Variants in AFAP1 observed in about 807,000 individuals in gnomAD.
AFAP1 encodes actin filament associated protein 1, also known as actin filament-associated protein 1.
Under a neutral mutation model 93.9 loss-of-function variants are expected in AFAP1, and 75 were observed. The observed-to-expected ratio is 0.80, with a 90% CI of 0.66 to 0.97. AFAP1 has a LOEUF of 0.97. Among genes scored for constraint, AFAP1 ranks in the 50% least tolerant of loss-of-function variants. AFAP1 has a pLI of 0.00. For missense variants in AFAP1, 1,201 were observed against 1,050.8 expected (o/e 1.14, Z -1.98); for synonymous variants, 517 against 430.7 (o/e 1.20, Z -2.48).
chr4:7,924,267 C>T (rs943685807), intron 1 of AFAP1, among the ~76,000 whole-genome samples: 4 of 152,212 alleles, frequency 2.6e-5, no homozygotes, highest in African/African-American at 9.6e-5. Context: ...CTTCCATTCA[C>T]AAATTCCACA....
rs143266200 is a variant in AFAP1, at chr4:7,771,091, G to C, written c.2253+1729C>G. Among the ~76,000 whole-genome samples, 17 of 152,356 alleles carry C rather than the reference G, an allele frequency of 1.1e-4. No homozygotes were observed. The East Asian group carries it at 3.1e-3, about 28-fold the overall frequency. On this transcript the variant is annotated intron_variant, in intron 16 of 17. Coordinates refer to ENST00000420658, the MANE Select transcript of AFAP1 (RefSeq NM_001134647.2). ...CAGCACTGTTTCACTGTTCTCCACAGATCTGTCCGCATCTGACACCAACGT... is the reference window on the plus strand; with the variant it reads ...CAGCACTGTTTCACTGTTCTCCACACATCTGTCCGCATCTGACACCAACGT...
intron 10 of AFAP1, among the ~76,000 whole-genome samples, chr4:7,795,090 A>G (rs1484926545): frequency 6.6e-6 from 1 of 152,228 alleles, no homozygotes; most frequent in Non-Finnish European, 1.5e-5. Flanking sequence ...CACTGATCAT[A>G]ATATAAGTAA....
At chr4:7,858,609 G>T (rs1715337949) in intron 3 of AFAP1, among the ~76,000 whole-genome samples, 1 of 152,148 alleles carries the variant, frequency 6.6e-6, no homozygotes, top group Non-Finnish European at 1.5e-5. Context: ...AACAGGGAAG[G>T]TAGGTTTCCA....
At chr4:7,765,466 T>C (rs536280562) in intron 17 of AFAP1, among the ~76,000 whole-genome samples, 6 of 152,350 alleles carry the variant, frequency 3.9e-5, no homozygotes, top group Non-Finnish European at 7.3e-5. Context: ...TGCCCCTCCC[T>C]ACTGGACAGC....
chr4:7,770,994 G>A lies in AFAP1; in HGVS notation c.2253+1826C>T, dbSNP rs1477105870. ...CCATGCTCTTGTCCCCATTTATGCT[G>A]GATGAGGGACTGGGGTTGTCCAAGG... On this transcript the variant is annotated intron_variant, in intron 16 of 17. Transcript: ENST00000420658. Among the ~76,000 whole-genome samples the A allele has an allele frequency of 2.0e-5, 3 of 152,216 alleles. No individual in the cohort carries two copies. The East Asian group carries it at 5.8e-4, about 29-fold the overall frequency.
chr4:7,805,709 A>G (rs1719446921), intron 9 of AFAP1, among the ~76,000 whole-genome samples: 1 of 152,220 alleles, frequency 6.6e-6, no homozygotes, highest in Admixed American at 6.5e-5. Flanking sequence ...CTGAGCTGGT[A>G]TCGTCTGCCA....
At chr4:7,805,469 G>A (rs11728415) in intron 9 of AFAP1, among the ~76,000 whole-genome samples, 14,767 of 152,202 alleles carry the variant, frequency 0.097, 1,232 homozygotes, top group East Asian at 0.48. Flanking sequence ...GGTATGCTTA[G>A]GTGATGTTTT....
chr4:7,791,503 C>T (rs146695137), intron 11 of AFAP1, among the ~76,000 whole-genome samples: 1 of 152,280 alleles, frequency 6.6e-6, no homozygotes, highest in South Asian at 2.1e-4. Context: ...GATGCCCTAC[C>T]TAATACCTGC....
rs535795627 is a variant in AFAP1 at position 7,928,608 on chromosome 4, A to T, written c.-3+11048T>A. Among the ~76,000 whole-genome samples, 74 of 152,186 alleles carry T rather than the reference A, an allele frequency of 4.9e-4. 1 individual carries two copies. Among genetic ancestry groups the T allele is most frequent in the Middle Eastern group, 6.8e-3 (2 of 294 alleles). ...TCACCATATTGGCCAGGCTGGTCTC[A>T]AACTCCTGACCTCATGATTCGCCCA... On this transcript the variant is annotated intron_variant, in intron 1 of 17. Coordinates refer to ENST00000420658, the MANE Select transcript of AFAP1 (RefSeq NM_001134647.2).
At chr4:7,820,255 G>A (rs1370736568) in intron 6 of AFAP1, among the ~76,000 whole-genome samples, 1 of 152,174 alleles carries the variant, frequency 6.6e-6, no homozygotes, top group East Asian at 1.9e-4. Flanking sequence ...GCAACTGGGT[G>A]GTGCTATTTA....
At chr4:7,892,463 C>G (rs1718525781) in intron 1 of AFAP1, among the ~76,000 whole-genome samples, 1 of 152,166 alleles carries the variant, frequency 6.6e-6, no homozygotes, top group Non-Finnish European at 1.5e-5. Flanking sequence ...GGGGGAGGGG[C>G]AGCCCACAGA....
intron 1 of AFAP1, among the ~76,000 whole-genome samples, chr4:7,926,618 G>A (rs150180774): frequency 6.6e-6 from 1 of 152,304 alleles, no homozygotes; most frequent in Admixed American, 6.5e-5. Flanking sequence ...AGTTTCTGCA[G>A]TCCAGGACAC....
chr4:7,873,466 A>G (rs1717244214), intron 1 of AFAP1, among the ~76,000 whole-genome samples: 1 of 138,880 alleles, frequency 7.2e-6, no homozygotes, highest in Admixed American at 8.0e-5. Flanking sequence ...CTCCTGCCTC[A>G]GCCTCCTGAG....
Position 7,772,961 on chromosome 4 carries a change from C to T in AFAP1, c.2112G>A (p.Glu704=), listed in dbSNP as rs1174451324. The T allele has an allele frequency of 5.6e-6, 9 of 1,613,148 alleles. No homozygotes were observed. The highest frequency in any genetic ancestry group is 7.6e-6 in the Non-Finnish European group (9 of 1,180,014). The change falls in exon 16 of 18, where the codon GAG becomes GAA. Residue 704 remains glutamate (E), a synonymous_variant. Coordinates refer to ENST00000420658, the MANE Select transcript of AFAP1 (RefSeq NM_001134647.2). ...GCTCCGCCTCCTTCTGCCGGCACTCCTCCTCCAGCTGCTTCAGCTTCTCCT... is the reference window on the plus strand; with the variant it reads ...GCTCCGCCTCCTTCTGCCGGCACTCTTCCTCCAGCTGCTTCAGCTTCTCCT... ...ILEEKLKQLE[E]ECRQKEAERV...
At chr4:7,774,573 G>A in intron 15 of AFAP1, 166 bp downstream of exon 15, 1 of 1,109,190 alleles carries the variant, frequency 9.0e-7, no homozygotes, top group Non-Finnish European at 1.2e-6. Context: ...CTGCCTCGGG[G>A]TTACCAGCAA....
rs2149059520 is a variant in AFAP1, at chr4:7,813,598, T to A, written c.904+2420A>T. Among the ~76,000 whole-genome samples the A allele has an allele frequency of 1.3e-5, 2 of 152,194 alleles. 1 individual carries two copies. Among genetic ancestry groups the A allele is most frequent in the Admixed American group, 1.3e-4 (2 of 15,286 alleles). ...TGCCTCAACTTCTAAGCAGGAACATTGAGATTGTATGTTATTTTATTTCAG... is the reference window on the plus strand; with the variant it reads ...TGCCTCAACTTCTAAGCAGGAACATAGAGATTGTATGTTATTTTATTTCAG... On this transcript the variant is annotated intron_variant, in intron 8 of 17. Transcript: ENST00000420658.
At position 7,879,598 on chromosome 4, in the gene AFAP1, C is replaced by T. The variant is rs183640235; in HGVS notation, c.-2-7518G>A. Among the ~76,000 whole-genome samples, 73 of 152,176 alleles carry T rather than the reference C, an allele frequency of 4.8e-4. 1 individual carries two copies. The highest frequency in any genetic ancestry group is 1.7e-3 in the African/African-American group (71 of 41,538). ...ATTCCCAAAGTGACGGCAAAATTAC[C>T]TGGAGGCGTTTCTGCATATATTTTA... is the stretch of plus-strand genomic sequence containing the variant. On this transcript the variant is annotated intron_variant, in intron 1 of 17. Transcript: ENST00000420658.
At chr4:7,854,541 GAA>G (rs1323819393) in intron 4 of AFAP1, among the ~76,000 whole-genome samples, 1 of 152,182 alleles carries the variant, frequency 6.6e-6, no homozygotes, top group African/African-American at 2.4e-5. Context: ...GCCAAGGAGA[GAA>G]AGATCTGAAA....
chr4:7,924,643 A>C (rs939986193), intron 1 of AFAP1, among the ~76,000 whole-genome samples: 1 of 152,308 alleles, frequency 6.6e-6, no homozygotes, highest in Admixed American at 6.5e-5. Context: ...AAGAAAAATG[A>C]GGGACTGAAT....
Sources: allele counts gnomAD v4.1 joint callset (sites outside exome capture counted in the v4.1 genomes callset), GRCh38; gene constraint gnomAD v4.1.1; transcripts MANE v1.5; gene names NCBI Gene and HGNC (gene_info 2026-07-23, HGNC 2026-07-21).